AZIN2: variants seen among roughly 807,000 people sequenced by gnomAD.
The protein encoded by AZIN2 is ODC antizyme inhibitor-2.
In AZIN2, 28 loss-of-function variants were observed where a neutral mutation model predicts 47.8. The observed-to-expected ratio is 0.59, with a 90% CI of 0.43 to 0.80. The LOEUF (loss-of-function observed/expected upper bound fraction) is 0.80, where lower values mean the gene tolerates loss of function less well. Ranked by LOEUF, AZIN2 falls within the 30% of genes least tolerant of loss-of-function variation. The pLI, the probability that AZIN2 is intolerant of heterozygous loss-of-function variation, is 0.00. For missense variants in AZIN2, 535 were observed against 582.5 expected, an observed-to-expected ratio of 0.92 and a Z score of 0.84; for synonymous variants, 221 against 239.4, an observed-to-expected ratio of 0.92 and a Z score of 0.71.
chr1:33,156,476 T>C, the AZIN2 span, among the ~76,000 whole-genome samples: 149,081 of 152,242 alleles, frequency 0.98, 73,029 homozygotes, highest in East Asian at 0.99. Flanking sequence ...CTCCTGGAAA[T>C]GCTTCCTCCA....
chr1:33,094,544 C>T lies in AZIN2; in HGVS notation c.588-4C>T. ...GTCAGCCGAGGCTCTTCCTCTCTTC[C>T]CAGTTTTCACATTGGCAGTGGCTGT... On this transcript the variant is annotated splice_region_variant and splice_polypyrimidine_tract_variant and intron_variant, in intron 7 of 11. Coordinates refer to ENST00000294517, the MANE Select transcript of AZIN2 (RefSeq NM_052998.4). The T allele has an allele frequency of 2.5e-6, 4 of 1,607,730 alleles. No individual in the cohort carries two copies. Among genetic ancestry groups the T allele is most frequent in the Non-Finnish European group, 3.4e-6 (4 of 1,174,834 alleles).
In AZIN2 at chr1:33,087,287, C is replaced by T. The variant is rs868395055; in HGVS notation, c.279+3160C>T. ...TAGCTGGGATTACAGGCATGTGCCACGATGCCCGGCTAATTTTGTATTTTT... is the reference window on the plus strand; with the variant it reads ...TAGCTGGGATTACAGGCATGTGCCATGATGCCCGGCTAATTTTGTATTTTT... On this transcript the variant is annotated intron_variant, in intron 5 of 11. Transcript: ENST00000294517. Among the ~76,000 whole-genome samples, 12 of 151,992 alleles carry T rather than the reference C, an allele frequency of 7.9e-5. No homozygotes were observed. In the South Asian group the frequency reaches 1.5e-3, roughly 18 times the overall value.
chr1:33,147,924 T>C, the AZIN2 span, among the ~76,000 whole-genome samples: 3 of 152,182 alleles, frequency 2.0e-5, no homozygotes, highest in African/African-American at 7.2e-5. The surrounding 1 kb of genome is among the most constrained non-coding windows in gnomAD (Gnocchi z 8.1). Context: ...TTAAGGTCCT[T>C]CCAGATATTG....
the AZIN2 span, among the ~76,000 whole-genome samples, chr1:33,137,724 T>C: frequency 1.2e-4 from 19 of 152,290 alleles, no homozygotes; most frequent in East Asian, 3.5e-3. Context: ...AACTTTCAAG[T>C]GGCTCAGCAC....
At chr1:33,163,143 A>G in the AZIN2 span, 1 of 151,938 alleles carries the variant, frequency 6.6e-6, no homozygotes, top group East Asian at 1.9e-4. Context: ...GGTTCAAGCA[A>G]TTCTCCTGCC....
chr1:33,139,958 A>G, the AZIN2 span, among the ~76,000 whole-genome samples: 2 of 152,136 alleles, frequency 1.3e-5, no homozygotes, highest in Non-Finnish European at 2.9e-5. Flanking sequence ...AGTGGTTCCT[A>G]TTATAAATGT....
chr1:33,089,925 G>C (rs574789392), intron 5 of AZIN2, among the ~76,000 whole-genome samples: 5 of 152,286 alleles, frequency 3.3e-5, no homozygotes, highest in Non-Finnish European at 5.9e-5. Context: ...TGGAGAGTCA[G>C]ACTTGAGTTC....
At chr1:33,097,951 A>T in intron 9 of AZIN2, 116 bp from the exon 10 acceptor site, 1 of 703,856 alleles carries the variant, frequency 1.4e-6, no homozygotes. Context: ...GCCTCGCCTC[A>T]TGGTTGAGGA....
chr1:33,081,204 A>C lies in AZIN2; in HGVS notation c.-496A>C, dbSNP rs2124434115. 6.5e-6 allele frequency: 1 copy of C among 154,190 alleles called. No individual in the cohort carries two copies. The highest frequency in any genetic ancestry group is 2.0e-4 in the South Asian group (1 of 4,984). The allele number at this position is 154,190 out of a possible 1,614,324, so 9.6% of individuals were successfully genotyped here. On this transcript the variant is annotated 5_prime_UTR_variant, in exon 1 of 12. Transcript: ENST00000294517. The surrounding 1 kb of genome is among the most constrained non-coding windows in gnomAD (Gnocchi z 4.2). ...GGCGGGGCGCAGGCCGCGGGACCCGAGCCCGGGGAAGCGAGAGAGCGGAGG... is the reference window on the plus strand; with the variant it reads ...GGCGGGGCGCAGGCCGCGGGACCCGCGCCCGGGGAAGCGAGAGAGCGGAGG...
chr1:33,143,942 G>A, the AZIN2 span, among the ~76,000 whole-genome samples: 3 of 152,246 alleles, frequency 2.0e-5, no homozygotes, highest in Non-Finnish European at 4.4e-5. Flanking sequence ...AGACAAGACA[G>A]AATAGTGGGC....
At chr1:33,154,266 C>T in the AZIN2 span, among the ~76,000 whole-genome samples, 2 of 151,918 alleles carry the variant, frequency 1.3e-5, no homozygotes, top group African/African-American at 2.4e-5. Context: ...TCCAAGGCTC[C>T]GATTCCCTCC....
At chr1:33,123,901 G>A (rs1364990286), downstream of AZIN2, among the ~76,000 whole-genome samples, 2 of 152,106 alleles carry the variant, frequency 1.3e-5, no homozygotes, top group African/African-American at 4.8e-5. Flanking sequence ...GGAGGCTGAG[G>A]CAGGAGAATC....
chr1:33,142,918 AG>A, the AZIN2 span: 1 of 150,942 alleles, frequency 6.6e-6, no homozygotes, highest in Admixed American at 6.6e-5. Flanking sequence ...TACCAACCAC[AG>A]GGGCGTGTCT....
chr1:33,112,602 C>T (rs1644335930), intron 10 of AZIN2, among the ~76,000 whole-genome samples: 1 of 152,138 alleles, frequency 6.6e-6, no homozygotes, highest in Non-Finnish European at 1.5e-5. Context: ...GAGGAGATGT[C>T]ATTGGAGTGG....
the AZIN2 span, among the ~76,000 whole-genome samples, chr1:33,137,812 G>A: frequency 6.6e-6 from 1 of 151,764 alleles, no homozygotes; most frequent in Non-Finnish European, 1.5e-5. Context: ...AGCTGGCCAC[G>A]GTACAAGGGC....
At chr1:33,160,050 G>A in the AZIN2 span, 1 of 1,441,954 alleles carries the variant, frequency 6.9e-7, no homozygotes, top group Non-Finnish European at 9.4e-7. Context: ...GAAAGGGTGG[G>A]AAAGGGCACG....
Position 33,082,272 on chromosome 1 carries a change from C to A in AZIN2, c.23C>A (p.Ser8Ter). Reference sequence around the variant, plus strand: ...GGCATGGCTGGCTACCTGAGTGAATCGGACTTTGTGATGGTGGAGGAGGGC... The same window carrying A: ...GGCATGGCTGGCTACCTGAGTGAATAGGACTTTGTGATGGTGGAGGAGGGC... MAGYLSESDFVMVEEGFS... is the reference protein window; with the variant it reads MAGYLSE The change falls in exon 4 of 12, where the codon TCG becomes TAG. Residue 8 changes from serine (S) to a stop codon, truncating the protein, a stop_gained. Coordinates refer to ENST00000294517, the MANE Select transcript of AZIN2 (RefSeq NM_052998.4). LOFTEE classifies it high-confidence loss of function. 1 of 1,614,004 alleles carries A rather than the reference C, an allele frequency of 6.2e-7. No homozygotes were observed. Among genetic ancestry groups the A allele is most frequent in the Non-Finnish European group, 8.5e-7 (1 of 1,179,968 alleles).
At chr1:33,136,423 C>T in the AZIN2 span, among the ~76,000 whole-genome samples, 1 of 151,412 alleles carries the variant, frequency 6.6e-6, no homozygotes, top group Non-Finnish European at 1.5e-5. Context: ...GGCTGGAGTG[C>T]AGTGGCACAA....
the AZIN2 span, chr1:33,147,240 A>G: frequency 6.2e-7 from 1 of 1,614,056 alleles, no homozygotes; most frequent in Non-Finnish European, 8.5e-7. The surrounding 1 kb of genome is among the most constrained non-coding windows in gnomAD (Gnocchi z 8.1). Context: ...GGCTCTGGCC[A>G]GGGCTGAAGT....
Sources: allele counts gnomAD v4.1 joint callset (sites outside exome capture counted in the v4.1 genomes callset), GRCh38; gene constraint gnomAD v4.1.1; non-coding constraint Gnocchi (gnomAD v3.1); transcripts MANE v1.5; gene names NCBI Gene and HGNC (gene_info 2026-07-23, HGNC 2026-07-21).